PAM: variants seen among roughly 807,000 people sequenced by gnomAD.
PAM encodes the protein peptidylglycine alpha-amidating monooxygenase.
A neutral mutation model predicts 122.1 loss-of-function variants in PAM; 72 were observed. That is an observed-to-expected ratio of 0.59 (90% CI 0.49 to 0.72). The LOEUF is 0.72. Among genes scored for constraint, PAM ranks in the 30% least tolerant of loss-of-function variants. The pLI, the probability that PAM is intolerant of heterozygous loss-of-function variation, is 0.00. For synonymous variants in PAM, 389 were observed against 404.4 expected, an observed-to-expected ratio of 0.96 and a Z score of 0.46; for missense variants, 1,106 against 1,183.7, an observed-to-expected ratio of 0.93 and a Z score of 0.96.
intron 1 of PAM, among the ~76,000 whole-genome samples, chr5:102,845,649 T>A (rs969093245): frequency 3.9e-5 from 6 of 152,210 alleles, no homozygotes; most frequent in African/African-American, 1.4e-4. Context: ...TTCCATTTAT[T>A]CAGGGGTACA....
chr5:102,966,901 T>C (rs993331124), intron 14 of PAM, among the ~76,000 whole-genome samples: 2 of 152,126 alleles, frequency 1.3e-5, no homozygotes, highest in African/African-American at 4.8e-5. Context: ...TGGGAATTTA[T>C]ATTCTGGAAA....
At chr5:102,940,413 A>G (rs1219128103) in intron 7 of PAM, among the ~76,000 whole-genome samples, 4 of 149,842 alleles carry the variant, frequency 2.7e-5, no homozygotes, top group Non-Finnish European at 5.9e-5. Flanking sequence ...GGAAATTCAG[A>G]TTAACATTTA....
intron 1 of PAM, among the ~76,000 whole-genome samples, chr5:102,804,234 G>C (rs1218781441): frequency 6.6e-6 from 1 of 152,154 alleles, no homozygotes; most frequent in Admixed American, 6.6e-5. Flanking sequence ...AGCAGCTCAC[G>C]GGGGAGCCTT....
At chr5:102,869,780 G>A (rs545409817) in intron 3 of PAM, among the ~76,000 whole-genome samples, 1 of 151,980 alleles carries the variant, frequency 6.6e-6, no homozygotes. Context: ...TACTTTTGAA[G>A]AAAGTATTAT....
intron 7 of PAM, among the ~76,000 whole-genome samples, chr5:102,939,496 T>C (rs557215917): frequency 5.9e-5 from 9 of 152,256 alleles, no homozygotes; most frequent in African/African-American, 2.2e-4. Context: ...TTTTGTCTTA[T>C]AGTATAAAGT....
At chr5:102,922,757 A>G (rs981005558) in intron 5 of PAM, among the ~76,000 whole-genome samples, 1 of 152,214 alleles carries the variant, frequency 6.6e-6, no homozygotes, top group African/African-American at 2.4e-5. Context: ...AATGTTTATG[A>G]TCTTTGTTGA....
At position 102,871,050 on chromosome 5, in the gene PAM, T is replaced by TC. The variant is rs777417011; in HGVS notation, c.210+3659dup. Among the ~76,000 whole-genome samples the TC allele has an allele frequency of 1.1e-4, 16 of 152,330 alleles. 1 individual carries two copies. The highest frequency in any genetic ancestry group is 7.7e-4 in the East Asian group (4 of 5,186). ...AATAAAGGTATAATTACAATGGTTT[T>TC]CCATAATGTTTATTGCCTAAATCTA... On this transcript the variant is annotated intron_variant, in intron 3 of 25. Coordinates refer to ENST00000438793, the MANE Select transcript of PAM (RefSeq NM_001177306.2).
At chr5:103,019,012 A>G (rs1582967261) in intron 22 of PAM, among the ~76,000 whole-genome samples, 1 of 152,022 alleles carries the variant, frequency 6.6e-6, no homozygotes, top group African/African-American at 2.4e-5. Context: ...AGGTGGTTAC[A>G]CTCACCTGCC....
rs761028063 is a variant in PAM, at chr5:102,860,618, A to AG, written c.-373-5201dup. The stretch of plus-strand genomic sequence containing the variant: ...GGATGATCACCTGAGCCCAGGAGGT[A>AG]GGGGTTGCAGTGAGCTAAGATCATG... On this transcript the variant is annotated intron_variant, in intron 1 of 25. Transcript: ENST00000438793. Among the ~76,000 whole-genome samples, 6 of 152,020 alleles carry AG rather than the reference A, an allele frequency of 3.9e-5. No individual in the cohort carries two copies. In the South Asian group the frequency reaches 1.3e-3, roughly 32 times the overall value.
At chr5:102,973,385 T>A (rs79184211) in intron 14 of PAM, among the ~76,000 whole-genome samples, 3,351 of 152,280 alleles carry the variant, frequency 0.022, 126 homozygotes, top group African/African-American at 0.077. Context: ...AATTGGAGTC[T>A]CATACCCAAG....
At chr5:102,910,846 A>G (rs1801190530) in intron 4 of PAM, among the ~76,000 whole-genome samples, 1 of 151,900 alleles carries the variant, frequency 6.6e-6, no homozygotes, top group Non-Finnish European at 1.5e-5. Flanking sequence ...ATGTTATTCT[A>G]AAGTATTTTT....
intron 1 of PAM, among the ~76,000 whole-genome samples, chr5:102,828,033 T>G (rs915506582): frequency 3.3e-5 from 5 of 152,180 alleles, no homozygotes; most frequent in Non-Finnish European, 7.3e-5. Context: ...CTATTCTCAA[T>G]TCTTTCTTAA....
chr5:102,858,458 C>A (rs563525748), intron 1 of PAM, among the ~76,000 whole-genome samples: 1 of 152,280 alleles, frequency 6.6e-6, no homozygotes, highest in East Asian at 1.9e-4. Flanking sequence ...GCCCCTACAA[C>A]AAAGAATGGT....
chr5:102,794,903 C>T (rs192379828), intron 1 of PAM, among the ~76,000 whole-genome samples: 39 of 152,050 alleles, frequency 2.6e-4, no homozygotes, highest in Admixed American at 2.4e-3. Context: ...CAGGAAAATG[C>T]TTGGGGCCAG....
intron 1 of PAM, among the ~76,000 whole-genome samples, chr5:102,799,132 CT>C (rs1185519381): frequency 2.0e-5 from 3 of 152,210 alleles, no homozygotes; most frequent in South Asian, 2.1e-4. Context: ...ACCTGGAATT[CT>C]GACAGTTTCT....
chr5:102,913,443 A>G (rs1240747190), intron 4 of PAM, among the ~76,000 whole-genome samples: 1 of 151,942 alleles, frequency 6.6e-6, no homozygotes, highest in South Asian at 2.1e-4. Context: ...TTGCTTCTTC[A>G]TATACATCCC....
chr5:103,011,021 T>TAGAAAAAA (rs1780434093), intron 21 of PAM, among the ~76,000 whole-genome samples: 1 of 152,218 alleles, frequency 6.6e-6, no homozygotes, highest in East Asian at 1.9e-4. Flanking sequence ...TACTAGGTCT[T>TAGAAAAAA]ATTCATTCTG....
chr5:103,006,037 T>C (rs1778866885), intron 18 of PAM, among the ~76,000 whole-genome samples: 1 of 151,990 alleles, frequency 6.6e-6, no homozygotes, highest in Non-Finnish European at 1.5e-5. Flanking sequence ...CAGGCTGAGG[T>C]GATCCTCCCA....
chr5:102,879,894 T>C (rs186224282), intron 3 of PAM, among the ~76,000 whole-genome samples: 1 of 152,278 alleles, frequency 6.6e-6, no homozygotes, highest in Admixed American at 6.5e-5. Flanking sequence ...GTGTAGTAGA[T>C]TATATCATCT....
Sources: gnomAD v4.1 joint callset for allele counts (sites outside exome capture counted in the v4.1 genomes callset) on GRCh38, gnomAD v4.1.1 for gene constraint, MANE v1.5 for transcripts, NCBI Gene and HGNC (gene_info 2026-07-23, HGNC 2026-07-21) for gene names.